Variants in CTNNA3 observed in about 807,000 individuals in gnomAD.
The protein encoded by CTNNA3 is catenin alpha 3.
In CTNNA3, 76 loss-of-function variants were observed where a neutral mutation model predicts 95.7. The ratio of observed to expected loss-of-function variants is 0.79; its 90% CI spans 0.66 to 0.96. CTNNA3 has a LOEUF of 0.96. CTNNA3 is among the 40% of genes least tolerant of loss of function. CTNNA3 has a pLI of 0.00. For synonymous variants in CTNNA3, 431 were observed against 374.4 expected, an observed-to-expected ratio of 1.15 and a Z score of -1.74; for missense variants, 1,191 against 1,089.8, an observed-to-expected ratio of 1.09 and a Z score of -1.31.
intron 11 of CTNNA3, among the ~76,000 whole-genome samples, chr10:66,433,626 G>A (rs569391569): frequency 4.5e-4 from 69 of 152,226 alleles, no homozygotes; most frequent in Non-Finnish European, 8.4e-4. Context: ...TTCTTTCACC[G>A]TGCAGAAGCT....
intron 11 of CTNNA3, among the ~76,000 whole-genome samples, chr10:66,436,724 G>T (rs12249834): frequency 0.12 from 17,808 of 151,848 alleles, 1,510 homozygotes; most frequent in African/African-American, 0.24. Context: ...ATTTGATCCT[G>T]TCATCATGAT....
intron 7 of CTNNA3, among the ~76,000 whole-genome samples, chr10:66,866,308 T>C (rs1478044286): frequency 6.6e-6 from 1 of 152,212 alleles, no homozygotes; most frequent in Non-Finnish European, 1.5e-5. Context: ...TTGTTTTTTA[T>C]CTTCTTCCCT....
chr10:66,992,496 G>A (rs954749229), intron 7 of CTNNA3, among the ~76,000 whole-genome samples: 20 of 150,934 alleles, frequency 1.3e-4, no homozygotes, highest in African/African-American at 4.9e-4. Context: ...CTAGTTTTAT[G>A]CATTACAAAT....
chr10:67,276,196 T>C (rs1249727519), intron 5 of CTNNA3, among the ~76,000 whole-genome samples: 1 of 152,150 alleles, frequency 6.6e-6, no homozygotes, highest in Non-Finnish European at 1.5e-5. Flanking sequence ...TATGGAAGAA[T>C]TTAGGACAGC....
At chr10:67,386,799 G>A (rs144165848) in intron 5 of CTNNA3, among the ~76,000 whole-genome samples, 62 of 152,264 alleles carry the variant, frequency 4.1e-4, no homozygotes, top group Non-Finnish European at 6.9e-4. Context: ...ATGATTACAT[G>A]ACTGATAATT....
chr10:66,236,748 A>T (rs964289278), intron 13 of CTNNA3, among the ~76,000 whole-genome samples: 2 of 151,964 alleles, frequency 1.3e-5, no homozygotes, highest in Non-Finnish European at 2.9e-5. Context: ...GCTTTTGTTC[A>T]TTTAGGATTT....
At chr10:66,809,433 T>A (rs542589016) in intron 7 of CTNNA3, among the ~76,000 whole-genome samples, 1 of 152,322 alleles carries the variant, frequency 6.6e-6, no homozygotes, top group African/African-American at 2.4e-5. Context: ...TTTTTTCCAT[T>A]ACTAACTTTT....
chr10:66,910,917 A>C (rs993848898), intron 7 of CTNNA3, among the ~76,000 whole-genome samples: 16 of 152,242 alleles, frequency 1.1e-4, no homozygotes, highest in Admixed American at 9.8e-4. Flanking sequence ...CAACGTAAGC[A>C]ATTTTAGATA....
intron 7 of CTNNA3, chr10:66,926,227 C>A (rs1490676440): frequency 2.2e-6 from 1 of 451,596 alleles, no homozygotes; most frequent in Non-Finnish European, 4.2e-6. Flanking sequence ...AAGAATACAT[C>A]ATGTTTTTCG....
chr10:67,086,655 A>G (rs1437923150), intron 7 of CTNNA3, among the ~76,000 whole-genome samples: 1 of 152,028 alleles, frequency 6.6e-6, no homozygotes, highest in Non-Finnish European at 1.5e-5. Flanking sequence ...GGGCTATTAG[A>G]AGTCATGAGA....
At chr10:66,226,094 GC>G (rs1316597706) in intron 13 of CTNNA3, among the ~76,000 whole-genome samples, 1 of 151,836 alleles carries the variant, frequency 6.6e-6, no homozygotes, top group African/African-American at 2.4e-5. Flanking sequence ...GTCTATTTTT[GC>G]TTTTATAGCC....
Position 67,251,298 on chromosome 10 carries a change from A to G in CTNNA3, c.580-31428T>C, listed in dbSNP as rs115823458. 8.9e-3 allele frequency among the ~76,000 whole-genome samples: 1,360 copies of G among 152,316 alleles called. 13 individuals carry two copies. The highest frequency in any genetic ancestry group is 0.019 in the African/African-American group (805 of 41,572). ...TAGAATAGGCAAATCTATAGAGACA[A>G]AAAGCAGATTAGTGGTTATCTGGGG... On this transcript the variant is annotated intron_variant, in intron 5 of 17. Transcript: ENST00000433211.
intron 7 of CTNNA3, among the ~76,000 whole-genome samples, chr10:67,003,723 G>C (rs1851810272): frequency 6.6e-6 from 1 of 152,150 alleles, no homozygotes; most frequent in Non-Finnish European, 1.5e-5. Context: ...TGACTGCCCA[G>C]GTCCTATTCC....
chr10:67,407,498 A>C (rs1363573252), intron 5 of CTNNA3, among the ~76,000 whole-genome samples: 1 of 152,156 alleles, frequency 6.6e-6, no homozygotes, highest in Admixed American at 6.5e-5. Flanking sequence ...CCCCTTAAAA[A>C]CTGGCACAAG....
At chr10:67,287,339 TA>T (rs1038908613) in intron 5 of CTNNA3, among the ~76,000 whole-genome samples, 1 of 150,588 alleles carries the variant, frequency 6.6e-6, no homozygotes, top group Non-Finnish European at 1.5e-5. Flanking sequence ...CTCCATCTTG[TA>T]AAAAAAAAGA....
chr10:67,393,531 GA>G (rs973727830), intron 5 of CTNNA3, among the ~76,000 whole-genome samples: 3 of 151,720 alleles, frequency 2.0e-5, no homozygotes, highest in Admixed American at 2.0e-4. Flanking sequence ...CAAAAGGAGG[GA>G]AAAAAAATTA....
At chr10:66,895,179 G>C (rs1017696164) in intron 7 of CTNNA3, among the ~76,000 whole-genome samples, 1 of 151,598 alleles carries the variant, frequency 6.6e-6, no homozygotes, top group African/African-American at 2.4e-5. Context: ...TAATCCTTTC[G>C]GAGTGACCTC....
At chr10:66,310,046 C>G (rs575837744) in intron 12 of CTNNA3, among the ~76,000 whole-genome samples, 1 of 151,114 alleles carries the variant, frequency 6.6e-6, no homozygotes, top group South Asian at 2.1e-4. Flanking sequence ...ATCACTTGAA[C>G]CTGGGAGGTT....
At chr10:66,124,638 T>A (rs2082730759) in intron 13 of CTNNA3, among the ~76,000 whole-genome samples, 1 of 151,968 alleles carries the variant, frequency 6.6e-6, no homozygotes, top group Non-Finnish European at 1.5e-5. Context: ...AAGAAAGAGG[T>A]TTAATGGACT....
Sources: allele counts gnomAD v4.1 joint callset (sites outside exome capture counted in the v4.1 genomes callset), GRCh38; gene constraint gnomAD v4.1.1; transcripts MANE v1.5; gene names NCBI Gene and HGNC (gene_info 2026-07-23, HGNC 2026-07-21).